Variants in NREP observed in about 807,000 individuals in gnomAD.
NREP encodes neuronal regeneration related protein.
Under a neutral mutation model 8.6 loss-of-function variants are expected in NREP, and 5 were observed. That is an observed-to-expected ratio of 0.58 (90% CI 0.30 to 1.22). NREP has a LOEUF of 1.22. NREP is among the 50% of genes most tolerant of loss of function. NREP has a pLI of 0.07. For synonymous variants in NREP, 27 were observed against 28.0 expected (o/e 0.96, Z 0.11); for missense variants, 86 against 82.5 (o/e 1.04, Z -0.17).
rs890245588 is a variant in NREP, at chr5:111,862,712, A to G, written c.135+112562T>C. Among the ~76,000 whole-genome samples, 73 of 152,192 alleles carry G rather than the reference A, an allele frequency of 4.8e-4. 1 individual carries two copies. The highest frequency in any genetic ancestry group is 1.7e-3 in the African/African-American group (71 of 41,530). ...ATGTTCTGGGAACACAGCAGTGAAC[A>G]TGACAGACAGGACTTAAAATATCGA... On this transcript the variant is annotated intron_variant, in intron 2 of 3. Coordinates refer to the NREP transcript ENST00000395634.
intron 2 of NREP, among the ~76,000 whole-genome samples, chr5:111,772,528 G>T (rs1490910868): frequency 6.6e-6 from 1 of 152,038 alleles, no homozygotes; most frequent in Non-Finnish European, 1.5e-5. Context: ...GTCATGGTTT[G>T]GTTTGAGGGA....
chr5:111,900,320 T>TA (rs1377536147), intron 2 of NREP, among the ~76,000 whole-genome samples: 2 of 151,424 alleles, frequency 1.3e-5, no homozygotes, highest in African/African-American at 4.9e-5. Context: ...ATGCCTAAAT[T>TA]AAAAAAGTAG....
At chr5:111,881,276 G>A (rs1487533815) in intron 2 of NREP, among the ~76,000 whole-genome samples, 2 of 152,186 alleles carry the variant, frequency 1.3e-5, no homozygotes, top group Non-Finnish European at 2.9e-5. Context: ...GCTGGGGGAG[G>A]GGTGCCCACC....
At chr5:111,830,786 T>C (rs752860665) in intron 2 of NREP, among the ~76,000 whole-genome samples, 1 of 152,164 alleles carries the variant, frequency 6.6e-6, no homozygotes, top group Non-Finnish European at 1.5e-5. Flanking sequence ...ATCAGTTCCA[T>C]GAAGGATGGG....
intron 2 of NREP, among the ~76,000 whole-genome samples, chr5:111,746,740 G>T (rs770538589): frequency 6.6e-6 from 1 of 152,098 alleles, no homozygotes; most frequent in Non-Finnish European, 1.5e-5. Flanking sequence ...TTTACAAAAA[G>T]ATTTTTTCAA....
chr5:111,815,465 T>C (rs1752364456), intron 2 of NREP, among the ~76,000 whole-genome samples: 1 of 152,094 alleles, frequency 6.6e-6, no homozygotes, highest in African/African-American at 2.4e-5. Context: ...TTGCCAGGCA[T>C]CTAAGGACTC....
chr5:111,834,052 C>T (rs1274164285), intron 2 of NREP, among the ~76,000 whole-genome samples: 1 of 152,186 alleles, frequency 6.6e-6, no homozygotes, highest in Non-Finnish European at 1.5e-5. Flanking sequence ...CATCAGCCTA[C>T]TGAATGCAGA....
intron 2 of NREP, among the ~76,000 whole-genome samples, chr5:111,972,507 TTTAA>T (rs1482293064): frequency 6.6e-6 from 1 of 152,208 alleles, no homozygotes; most frequent in Non-Finnish European, 1.5e-5. Context: ...GATTTTATTT[TTTAA>T]TTATTTACTG....
intron 2 of NREP, among the ~76,000 whole-genome samples, chr5:111,837,816 T>G (rs181219411): frequency 6.6e-6 from 1 of 152,152 alleles, no homozygotes; most frequent in African/African-American, 2.4e-5. Flanking sequence ...GATTACCTTC[T>G]GGTCACAAAG....
At position 111,876,289 on chromosome 5, in the gene NREP, A is replaced by G. The variant is rs934075340; in HGVS notation, c.135+98985T>C. ...TAATTTCTAGGGCTGCTTTTGTTAC[A>G]AGGCAAGTTCTGGTGAGGACTCTTT... is the stretch of plus-strand genomic sequence containing the variant. On this transcript the variant is annotated intron_variant, in intron 2 of 3. Transcript: ENST00000395634. Among the ~76,000 whole-genome samples, 8 of 152,238 alleles carry G rather than the reference A, an allele frequency of 5.3e-5. No individual in the cohort carries two copies. The East Asian group carries it at 1.5e-3, about 29-fold the overall frequency.
intron 2 of NREP, among the ~76,000 whole-genome samples, chr5:111,740,807 TCTA>T (rs1301401808): frequency 2.2e-4 from 33 of 152,346 alleles, no homozygotes; most frequent in African/African-American, 7.0e-4. Context: ...TCCTATCACT[TCTA>T]CTACATTGCA....
chr5:111,741,015 A>G (rs1466442918), intron 2 of NREP, among the ~76,000 whole-genome samples: 2 of 152,184 alleles, frequency 1.3e-5, no homozygotes, highest in Non-Finnish European at 2.9e-5. Context: ...GTTAACATAC[A>G]TTTTCAGAAA....
intron 2 of NREP, among the ~76,000 whole-genome samples, chr5:111,937,377 T>C (rs1253681040): frequency 6.6e-6 from 1 of 152,120 alleles, no homozygotes; most frequent in Non-Finnish European, 1.5e-5. Flanking sequence ...AAACTTGAAT[T>C]GTTCAAGACT....
intron 2 of NREP, among the ~76,000 whole-genome samples, chr5:111,789,955 G>A (rs1016954433): frequency 2.6e-5 from 4 of 151,810 alleles, no homozygotes; most frequent in Non-Finnish European, 4.4e-5. Flanking sequence ...TTATGTAGAG[G>A]AGAAAATACA....
intron 2 of NREP, among the ~76,000 whole-genome samples, chr5:111,884,674 A>ATG (rs1754189359): frequency 1.3e-5 from 2 of 152,308 alleles, no homozygotes; most frequent in East Asian, 3.9e-4. Flanking sequence ...TTCAATGTAC[A>ATG]CAAATCAATA....
At chr5:111,866,595 C>G (rs1753669497) in intron 2 of NREP, among the ~76,000 whole-genome samples, 1 of 152,230 alleles carries the variant, frequency 6.6e-6, no homozygotes, top group Middle Eastern at 3.4e-3. Flanking sequence ...GGCAATTCCT[C>G]AGGGATCTAG....
At chr5:111,907,222 T>C (rs982337843) in intron 2 of NREP, among the ~76,000 whole-genome samples, 1 of 152,130 alleles carries the variant, frequency 6.6e-6, no homozygotes, top group South Asian at 2.1e-4. Context: ...TTTTCTTACA[T>C]AGATTATGTC....
At chr5:111,750,542 T>C (rs1446706455) in intron 2 of NREP, among the ~76,000 whole-genome samples, 3 of 152,242 alleles carry the variant, frequency 2.0e-5, no homozygotes, top group Non-Finnish European at 4.4e-5. Context: ...ATTCTTGCTA[T>C]TTCTGGCTCC....
intron 2 of NREP, among the ~76,000 whole-genome samples, chr5:111,843,276 C>T (rs892285132): frequency 1.3e-5 from 2 of 151,674 alleles, no homozygotes; most frequent in African/African-American, 4.8e-5. Context: ...TTTTAAATGT[C>T]CTTTCTTCAA....
Sources: gnomAD v4.1 joint callset for allele counts (sites outside exome capture counted in the v4.1 genomes callset) on GRCh38, gnomAD v4.1.1 for gene constraint, MANE v1.5 for transcripts, NCBI Gene and HGNC (gene_info 2026-07-23, HGNC 2026-07-21) for gene names.